ADAM7: variants seen among roughly 807,000 people sequenced by gnomAD.
ADAM7 encodes the protein disintegrin and metalloproteinase domain-containing protein 7.
A neutral mutation model predicts 102.9 loss-of-function variants in ADAM7; 97 were observed. The observed-to-expected ratio is 0.94, with a 90% confidence interval of 0.80 to 1.12. ADAM7 has a LOEUF of 1.12. Among genes scored for constraint, ADAM7 ranks in the 50% most tolerant of loss-of-function variants. The pLI, the probability that ADAM7 is intolerant of heterozygous loss-of-function variation, is 0.00. For missense variants in ADAM7, 991 were observed against 908.7 expected (o/e 1.09, Z -1.16); for synonymous variants, 334 against 304.4 (o/e 1.10, Z -1.01).
intron 20 of ADAM7, among the ~76,000 whole-genome samples, chr8:24,504,063 T>TAAAATAAA (rs368461387): frequency 2.5e-5 from 3 of 118,408 alleles, no homozygotes; most frequent in African/African-American, 8.7e-5. Context: ...TAAAATAAAA[T>TAAAATAAA]AAATAAAATA....
intron 7 of ADAM7, among the ~76,000 whole-genome samples, chr8:24,469,938 G>A (rs945065001): frequency 2.6e-5 from 4 of 152,100 alleles, no homozygotes; most frequent in Non-Finnish European, 5.9e-5. Flanking sequence ...GTTGGAAACT[G>A]TAAAAGAGAA....
chr8:24,475,647 C>T (rs1206150587), intron 7 of ADAM7, among the ~76,000 whole-genome samples: 2 of 151,976 alleles, frequency 1.3e-5, no homozygotes, highest in African/African-American at 4.8e-5. Context: ...GTATTTTGAT[C>T]TTTAAGGTAA....
At chr8:24,498,674 A>C (rs1033579753) in intron 16 of ADAM7, among the ~76,000 whole-genome samples, 3 of 151,718 alleles carry the variant, frequency 2.0e-5, no homozygotes, top group African/African-American at 7.2e-5. Flanking sequence ...AAAATGTAAA[A>C]TAACATTTAA....
intron 3 of ADAM7, among the ~76,000 whole-genome samples, chr8:24,462,357 G>T (rs1360565238): frequency 3.9e-5 from 6 of 152,112 alleles, no homozygotes; most frequent in Admixed American, 3.3e-4. Flanking sequence ...TCCTGTTACT[G>T]TGATTACTCC....
chr8:24,500,282 C>T (rs1017576757), intron 18 of ADAM7, 26 bp downstream of exon 18: 1 of 1,589,774 alleles, frequency 6.3e-7, no homozygotes, highest in South Asian at 1.1e-5. Context: ...CAAAATCTTT[C>T]ATATATCAAA....
In ADAM7 at chr8:24,485,287, C is replaced by T; in HGVS notation, c.886C>T (p.Leu296Phe). Residue 296 changes from leucine to phenylalanine, a missense_variant, in exon 10 of 22, where the codon CTC becomes TTC. Leu to Phe is a conservative substitution (Grantham distance 22). Coordinates refer to ENST00000175238, the MANE Select transcript of ADAM7 (RefSeq NM_003817.4). ...GCATCTTTTTCATAGTGGGAAGTGG[C>T]TCTACTCACATGTGCAAGGAATTTC... is the stretch of plus-strand genomic sequence containing the variant. ...DHVVLLSGKWLYSHVQGISYP... is the reference protein window; with the variant it reads ...DHVVLLSGKWFYSHVQGISYP... 3 of 1,613,080 alleles carry T rather than the reference C, an allele frequency of 1.9e-6. No homozygotes were observed. The highest frequency in any genetic ancestry group is 2.5e-6 in the Non-Finnish European group (3 of 1,179,456).
At chr8:24,452,447 GT>G (rs1420214209) in intron 3 of ADAM7, among the ~76,000 whole-genome samples, 4 of 149,892 alleles carry the variant, frequency 2.7e-5, no homozygotes, top group Non-Finnish European at 5.9e-5. Context: ...TTTACAGTCT[GT>G]TTTATCAGAG....
intron 3 of ADAM7, among the ~76,000 whole-genome samples, chr8:24,448,452 C>T (rs1193867370): frequency 6.6e-6 from 1 of 152,116 alleles, no homozygotes; most frequent in Non-Finnish European, 1.5e-5. Context: ...CTGTAATAGG[C>T]AACACTGCCT....
At chr8:24,484,177 C>A (rs114103195) in intron 9 of ADAM7, among the ~76,000 whole-genome samples, 1,738 of 152,204 alleles carry the variant, frequency 0.011, 33 homozygotes, top group African/African-American at 0.04. Flanking sequence ...AGAATTCTGT[C>A]TCTCCAAGAA....
intron 4 of ADAM7, 89 bp from the exon 5 acceptor site, chr8:24,465,610 A>T: frequency 1.5e-6 from 1 of 679,298 alleles, no homozygotes; most frequent in East Asian, 3.3e-5. Flanking sequence ...TAAAACATTG[A>T]TATATTCTGA....
At chr8:24,497,138 C>T (rs528948176) in intron 16 of ADAM7, among the ~76,000 whole-genome samples, 19 of 152,282 alleles carry the variant, frequency 1.2e-4, no homozygotes, top group Admixed American at 3.3e-4. Flanking sequence ...TTTTCCTGCA[C>T]AAGCTCTCTC....
intron 20 of ADAM7, among the ~76,000 whole-genome samples, chr8:24,504,824 C>A (rs377614672): frequency 6.6e-6 from 1 of 152,180 alleles, no homozygotes; most frequent in East Asian, 1.9e-4. Flanking sequence ...ATTTCACTGG[C>A]ATATAGAGAT....
At chr8:24,461,997 C>A (rs542060591) in intron 3 of ADAM7, among the ~76,000 whole-genome samples, 1 of 152,140 alleles carries the variant, frequency 6.6e-6, no homozygotes, top group African/African-American at 2.4e-5. Context: ...ATCATCTTTT[C>A]TCTTGACGAT....
intron 2 of ADAM7, among the ~76,000 whole-genome samples, chr8:24,445,037 C>G (rs1028123275): frequency 6.6e-5 from 10 of 151,996 alleles, no homozygotes; most frequent in Non-Finnish European, 2.9e-5. Flanking sequence ...ATTAATGACA[C>G]AATTTAAAAT....
intron 7 of ADAM7, among the ~76,000 whole-genome samples, chr8:24,474,499 TC>T (rs1472845201): frequency 3.3e-5 from 5 of 152,146 alleles, no homozygotes; most frequent in African/African-American, 4.8e-5. Flanking sequence ...TTAGAGAAGT[TC>T]CTAAGGTAAA....
chr8:24,478,706 A>G (rs534466706), intron 8 of ADAM7, among the ~76,000 whole-genome samples: 177 of 152,266 alleles, frequency 1.2e-3, no homozygotes, highest in Non-Finnish European at 2.1e-3. Context: ...CTGTTAGACA[A>G]TTTCAACATG....
chr8:24,463,961 G>A lies in ADAM7; in HGVS notation c.312+1G>A, dbSNP rs1364913158. ...GTTCACCAGGCATCCTCAGATCATG[G>A]TATCTTATGGAACTTTACTGTGTCT... On this transcript the variant is annotated splice_donor_variant, in intron 4 of 21. Transcript: ENST00000175238. LOFTEE classifies it high-confidence loss of function. The A allele has an allele frequency of 6.2e-7, 1 of 1,609,264 alleles. No homozygotes were observed. Among genetic ancestry groups the A allele is most frequent in the Middle Eastern group, 1.7e-4 (1 of 6,054 alleles).
chr8:24,476,482 G>T lies in ADAM7; in HGVS notation c.683G>T (p.Gly228Val), dbSNP rs1819772346. The change falls in exon 8 of 22, where the codon GGA becomes GTA. Residue 228 changes from glycine (G) to valine (V), a missense_variant. Physicochemically the swap from Gly to Val is moderately radical, Grantham distance 109. Transcript: ENST00000175238. ...PHNKLRNRIWGMVNFVNMIYK... is the reference protein window; with the variant it reads ...PHNKLRNRIWVMVNFVNMIYK... Reference sequence around the variant, plus strand: ...AATAAACTAAGGAACCGAATTTGGGGAATGGTCAATTTTGTCAACATGGTA... The same window carrying T: ...AATAAACTAAGGAACCGAATTTGGGTAATGGTCAATTTTGTCAACATGGTA... 1 of 1,608,902 alleles carries T rather than the reference G, an allele frequency of 6.2e-7. No individual in the cohort carries two copies. The highest frequency in any genetic ancestry group is 1.7e-5 in the Admixed American group (1 of 59,880).
intron 4 of ADAM7, among the ~76,000 whole-genome samples, chr8:24,465,244 A>T (rs182333716): frequency 7.2e-5 from 11 of 152,290 alleles, no homozygotes; most frequent in Admixed American, 5.2e-4. Context: ...GAGGATTTTA[A>T]CACATGGAAA....
Sources: gnomAD v4.1 joint callset for allele counts (sites outside exome capture counted in the v4.1 genomes callset) on GRCh38, gnomAD v4.1.1 for gene constraint, MANE v1.5 for transcripts, NCBI Gene and HGNC (gene_info 2026-07-23, HGNC 2026-07-21) for gene names.